Variants in ST6GALNAC3 observed in about 807,000 individuals in gnomAD.
The protein encoded by ST6GALNAC3 is alpha-N-acetylgalactosaminide alpha-2,6-sialyltransferase 3.
A neutral mutation model predicts 32.7 loss-of-function variants in ST6GALNAC3; 25 were observed. That is an observed-to-expected ratio of 0.76 (90% confidence interval 0.56 to 1.07). ST6GALNAC3 has a LOEUF of 1.07. Among genes scored for constraint, ST6GALNAC3 ranks in the 50% least tolerant of loss-of-function variants. The pLI is 0.00. For synonymous variants in ST6GALNAC3, 129 were observed against 133.1 expected (o/e 0.97, Z 0.21); for missense variants, 355 against 382.4 (o/e 0.93, Z 0.60).
At chr1:76,419,025 G>A (rs1654845083) in intron 3 of ST6GALNAC3, among the ~76,000 whole-genome samples, 1 of 150,974 alleles carries the variant, frequency 6.6e-6, no homozygotes, top group South Asian at 2.1e-4. Context: ...CCTTTCATGT[G>A]TTTAAAAACA....
intron 1 of ST6GALNAC3, among the ~76,000 whole-genome samples, chr1:76,229,571 G>T (rs1656251235): frequency 6.6e-6 from 1 of 152,188 alleles, no homozygotes. Context: ...GCCTTTGCTT[G>T]TTCTCATTTG....
chr1:76,546,395 A>ACAACTGTG (rs1664301007), intron 3 of ST6GALNAC3, among the ~76,000 whole-genome samples: 1 of 152,226 alleles, frequency 6.6e-6, no homozygotes, highest in Non-Finnish European at 1.5e-5. Context: ...TGCTCTTGCC[A>ACAACTGTG]CAACTGTGGG....
intron 3 of ST6GALNAC3, among the ~76,000 whole-genome samples, chr1:76,531,887 G>A (rs2101822970): frequency 6.6e-6 from 1 of 152,246 alleles, no homozygotes; most frequent in Admixed American, 6.5e-5. Context: ...CTCCCTAGGT[G>A]TGTCAGAGAC....
At chr1:76,269,094 G>A (rs1658697560) in intron 1 of ST6GALNAC3, among the ~76,000 whole-genome samples, 1 of 152,188 alleles carries the variant, frequency 6.6e-6, no homozygotes, top group Admixed American at 6.5e-5. Context: ...CCGGTCAGTT[G>A]TGAAGAAGCC....
intron 3 of ST6GALNAC3, among the ~76,000 whole-genome samples, chr1:76,546,160 A>G (rs545557047): frequency 6.6e-6 from 1 of 152,344 alleles, no homozygotes; most frequent in South Asian, 2.1e-4. Context: ...GGAAGGCCTT[A>G]CATACGCTAT....
intron 3 of ST6GALNAC3, among the ~76,000 whole-genome samples, chr1:76,626,265 T>C (rs1243608083): frequency 1.3e-5 from 2 of 151,902 alleles, no homozygotes; most frequent in Non-Finnish European, 2.9e-5. Context: ...GAACTGGCTG[T>C]GCTCCTGTAG....
At chr1:76,176,274 T>G (rs981011745) in intron 1 of ST6GALNAC3, among the ~76,000 whole-genome samples, 1 of 152,210 alleles carries the variant, frequency 6.6e-6, no homozygotes, top group African/African-American at 2.4e-5. Context: ...GAAAGCCCAC[T>G]GCCCAGACGG....
intron 1 of ST6GALNAC3, among the ~76,000 whole-genome samples, chr1:76,276,252 C>CT (rs1280256905): frequency 1.3e-5 from 2 of 151,804 alleles, no homozygotes; most frequent in Non-Finnish European, 2.9e-5. Context: ...TCATAGCCCC[C>CT]TTTTAAACTT....
At chr1:76,346,755 G>T (rs1225235217) in intron 2 of ST6GALNAC3, among the ~76,000 whole-genome samples, 1 of 152,212 alleles carries the variant, frequency 6.6e-6, no homozygotes, top group South Asian at 2.1e-4. Flanking sequence ...CCTTCTACAT[G>T]AAATGGGGCT....
chr1:76,567,232 G>T (rs1281199320), intron 3 of ST6GALNAC3, among the ~76,000 whole-genome samples: 2 of 152,094 alleles, frequency 1.3e-5, no homozygotes, highest in Admixed American at 1.3e-4. Flanking sequence ...ATGTTGCACG[G>T]TATCATAATA....
rs10528375 is a variant in ST6GALNAC3 at position 76,108,861 on chromosome 1, AGTGTGTGTGTGTGTGT to A, written c.18+34000_18+34015del. 4.0e-3 allele frequency among the ~76,000 whole-genome samples: 599 copies of A among 149,882 alleles called. 3 individuals are homozygous for A. Among genetic ancestry groups the A allele is most frequent in the African/African-American group, 0.013 (539 of 40,934 alleles). On this transcript the variant is annotated intron_variant, in intron 1 of 4. Transcript: ENST00000328299. ...AATGAGTTCTGAAATCTGTAGACAT[AGTGTGTGTGTGTGTGT>A]GTGTGTGTGTGTGTGTGTGTGTTTC...
intron 3 of ST6GALNAC3, among the ~76,000 whole-genome samples, chr1:76,450,464 A>G (rs1657312135): frequency 6.6e-6 from 1 of 152,104 alleles, no homozygotes; most frequent in African/African-American, 2.4e-5. Flanking sequence ...GATTCTGGAT[A>G]TTATTCCTTT....
At position 76,352,419 on chromosome 1, in the gene ST6GALNAC3, T is replaced by C. The variant is rs551644874; in HGVS notation, c.213+38420T>C. The stretch of plus-strand genomic sequence containing the variant: ...GCTCATAGGATTAAATGAAATAAGA[T>C]AGTAAGGCATTCAGAACTGTGCCTG... On this transcript the variant is annotated intron_variant, in intron 2 of 4. Transcript: ENST00000328299. 1.8e-4 allele frequency among the ~76,000 whole-genome samples: 28 copies of C among 151,640 alleles called. No homozygotes were observed. The South Asian group carries it at 5.4e-3, about 29-fold the overall frequency.
At chr1:76,096,285 T>C (rs1487085895) in intron 1 of ST6GALNAC3, among the ~76,000 whole-genome samples, 4 of 152,208 alleles carry the variant, frequency 2.6e-5, no homozygotes, top group African/African-American at 4.8e-5. Flanking sequence ...GCTGAAAATA[T>C]TTAGTTTGCG....
At chr1:76,583,970 A>G (rs1194737102) in intron 3 of ST6GALNAC3, among the ~76,000 whole-genome samples, 4 of 152,154 alleles carry the variant, frequency 2.6e-5, no homozygotes, top group Non-Finnish European at 5.9e-5. Context: ...GTTCCTCACC[A>G]CCACTCTAAT....
intron 1 of ST6GALNAC3, among the ~76,000 whole-genome samples, chr1:76,271,941 C>A (rs1658865655): frequency 6.6e-6 from 1 of 152,096 alleles, no homozygotes; most frequent in South Asian, 2.1e-4. Context: ...ATCATTTAGA[C>A]CCCTTCCGAG....
chr1:76,280,448 T>G (rs1659433281), intron 1 of ST6GALNAC3, among the ~76,000 whole-genome samples: 1 of 152,168 alleles, frequency 6.6e-6, no homozygotes, highest in Admixed American at 6.5e-5. Flanking sequence ...GCATTTATCA[T>G]TTTTGGTAAA....
chr1:76,281,581 C>G (rs572704558), intron 1 of ST6GALNAC3, among the ~76,000 whole-genome samples: 1 of 152,174 alleles, frequency 6.6e-6, no homozygotes, highest in African/African-American at 2.4e-5. Context: ...GGAAGAGTGT[C>G]GGAAAATGAA....
intron 3 of ST6GALNAC3, among the ~76,000 whole-genome samples, chr1:76,522,231 AT>A (rs1262044101): frequency 5.9e-5 from 9 of 151,600 alleles, no homozygotes; most frequent in Middle Eastern, 3.4e-3. Context: ...TTACTTCTGT[AT>A]TTTTTAAAAA....
Sources: gnomAD v4.1 joint callset for allele counts (sites outside exome capture counted in the v4.1 genomes callset) on GRCh38, gnomAD v4.1.1 for gene constraint, MANE v1.5 for transcripts, NCBI Gene and HGNC (gene_info 2026-07-23, HGNC 2026-07-21) for gene names.